The following PIDD1 variants were observed in gnomAD, a reference collection of about 807,000 sequenced individuals.
PIDD1 encodes the protein p53-induced death domain protein 1, also known as p53-induced death domain-containing protein 1.
Under a neutral mutation model 80.0 loss-of-function variants are expected in PIDD1, and 72 were observed. The observed-to-expected ratio is 0.90, with a 90% confidence interval of 0.74 to 1.09. The LOEUF is 1.09. Among genes scored for constraint, PIDD1 ranks in the 50% least tolerant of loss-of-function variants. The pLI, the probability that PIDD1 is intolerant of heterozygous loss-of-function variation, is 0.00. For synonymous variants in PIDD1, 655 were observed against 543.5 expected (o/e 1.21, Z -2.85); for missense variants, 1,329 against 1,228.3 (o/e 1.08, Z -1.23).
Position 799,492 on chromosome 11 carries a change from C to G in PIDD1, c.2548G>C (p.Val850Leu). 3 of 1,608,154 alleles carry G rather than the reference C, an allele frequency of 1.9e-6. No homozygotes were observed. Among genetic ancestry groups the G allele is most frequent in the Non-Finnish European group, 2.5e-6 (3 of 1,179,858 alleles). The change falls in exon 16 of 16, where the codon GTG (valine) becomes CTG (leucine). Residue 850 changes from valine (V) to leucine (L), a missense_variant. Physicochemically the swap from Val to Leu is conservative, Grantham distance 32 (BLOSUM62 1). Transcript: ENST00000347755. ...TCCAGGGCCTGCACCAGGAGCCCCA[C>G]AGCCCCTGGCTGCCCAGCCTGGCGC... ...AERQAGQPGAVGLLVQALEQS... is the reference protein window; with the variant it reads ...AERQAGQPGALGLLVQALEQS...
At chr11:807,494 T>G (rs946709105), upstream of PIDD1, among the ~76,000 whole-genome samples, 4 of 137,382 alleles carry the variant, frequency 2.9e-5, no homozygotes, top group African/African-American at 1.1e-4. Context: ...AATAAAAAAA[T>G]AGGCCGGGCG....
rs554113133 is a variant in PIDD1, at chr11:802,347, G to A, written c.1024C>T (p.Arg342Cys). 7.2e-5 allele frequency: 116 copies of A among 1,611,766 alleles called. No individual in the cohort carries two copies. The South Asian group carries it at 8.9e-4, about 12-fold the overall frequency. The change falls in exon 6 of 16, where the codon CGC (arginine) becomes TGC (cysteine). Residue 342 changes from arginine (R) to cysteine (C), a missense_variant. By Grantham distance (180) the Arg-to-Cys change is radical (BLOSUM62 -3). Coordinates refer to ENST00000347755, the MANE Select transcript of PIDD1 (RefSeq NM_145886.4). Reference sequence around the variant, plus strand: ...GTGGCTCCCGCTGGGAACTGCAGGCGGACGCCACAGGCCAGGGTCACTGAG... The same window carrying A: ...GTGGCTCCCGCTGGGAACTGCAGGCAGACGCCACAGGCCAGGGTCACTGAG... ...GCSVTLACGV[R>C]LQFPAGATAT...
chr11:803,200 C>A lies in PIDD1; in HGVS notation c.683G>T (p.Arg228Leu). The stretch of plus-strand genomic sequence containing the variant: ...CAGAGAGGCTGGGAGGCTCTGCAGC[C>A]GGTTGGAGGCCAGGTTGAGCTCCAG... Reference protein sequence around the residue: ...SLLELNLASNRLQSLPASLAG... With the variant: ...SLLELNLASNLLQSLPASLAG... Residue 228 changes from arginine to leucine, a missense_variant, in exon 3 of 16, where the codon CGG (arginine) becomes CTG (leucine). Coordinates refer to ENST00000347755, the MANE Select transcript of PIDD1 (RefSeq NM_145886.4). 1 of 1,609,052 alleles carries A rather than the reference C, an allele frequency of 6.2e-7. No individual in the cohort carries two copies. Among genetic ancestry groups the A allele is most frequent in the East Asian group, 2.2e-5 (1 of 44,862 alleles).
intron 1 of PIDD1, 79 bp from the exon 2 acceptor site, chr11:804,542 G>T: frequency 9.4e-6 from 13 of 1,381,530 alleles, no homozygotes; most frequent in Non-Finnish European, 1.2e-5. Flanking sequence ...TGGATGGAGT[G>T]GGGAGCTCTA....
At position 804,462 on chromosome 11, in the gene PIDD1, A is replaced by G. The variant is rs1865638042; in HGVS notation, c.-74T>C. 1 of 1,504,560 alleles carries G rather than the reference A, an allele frequency of 6.6e-7. No individual in the cohort carries two copies. The highest frequency in any genetic ancestry group is 8.8e-7 in the Non-Finnish European group (1 of 1,132,768). 93.2% of individuals were successfully genotyped at this position (1,504,560 alleles called of 1,614,324 possible). On this transcript the variant is annotated splice_region_variant and 5_prime_UTR_variant, in exon 2 of 16. Coordinates refer to ENST00000347755, the MANE Select transcript of PIDD1 (RefSeq NM_145886.4). ...GGCCTGTCCAGGCAGCGCCCGGGGA[A>G]GCTGCAGAGGCAGGAGGAGGAGTGA...
chr11:801,582 G>T lies in PIDD1; in HGVS notation c.1345C>A (p.Leu449Ile). 1 of 1,567,802 alleles carries T rather than the reference G, an allele frequency of 6.4e-7. No homozygotes were observed. The highest frequency in any genetic ancestry group is 2.4e-5 in the East Asian group (1 of 42,412). The stretch of plus-strand genomic sequence containing the variant: ...TTGGACACAGGGCGGGAAACCACAA[G>T]GAACCAGGAGAAGTGGGGCACCTGG... The part of the protein sequence containing the change: ...HCQVPHFSWF[L>I]VVSRPVSNAC... Residue 449 changes from leucine (L) to isoleucine (I), a missense_variant, in exon 8 of 16, where the codon CTT becomes ATT. Leu to Ile is a conservative substitution (Grantham distance 5). Coordinates refer to ENST00000347755, the MANE Select transcript of PIDD1 (RefSeq NM_145886.4).
rs1378963768 is a variant in PIDD1, at chr11:799,287, A to C, written c.*20T>G. Reference sequence around the variant, plus strand: ...CCATCCACTGGGGAATATCTGGGCCAGCCTAAAAGTCTGTGGGGCCTAGGC... The same window carrying C: ...CCATCCACTGGGGAATATCTGGGCCCGCCTAAAAGTCTGTGGGGCCTAGGC... On this transcript the variant is annotated 3_prime_UTR_variant, in exon 16 of 16. Transcript: ENST00000347755. The C allele has an allele frequency of 6.4e-7, 1 of 1,557,912 alleles. No individual in the cohort carries two copies. The highest frequency in any genetic ancestry group is 8.7e-7 in the Non-Finnish European group (1 of 1,153,228).
rs774729757 is a variant in PIDD1 at position 800,673 on chromosome 11, G to A, written c.1918-7C>T. 7.6e-6 allele frequency: 12 copies of A among 1,575,538 alleles called. No homozygotes were observed. Among genetic ancestry groups the A allele is most frequent in the African/African-American group, 1.3e-5 (1 of 74,374 alleles). ...GCCGAAGGGTGGCGTCCACCTGCGGGGAAGCCCGTGCAGCTCAGGACCCAA... is the reference window on the plus strand; with the variant it reads ...GCCGAAGGGTGGCGTCCACCTGCGGAGAAGCCCGTGCAGCTCAGGACCCAA... On this transcript the variant is annotated splice_polypyrimidine_tract_variant and splice_region_variant and intron_variant, in intron 11 of 15. Coordinates refer to ENST00000347755, the MANE Select transcript of PIDD1 (RefSeq NM_145886.4).
chr11:805,272 G>C, upstream of PIDD1: 3 of 968,296 alleles, frequency 3.1e-6, no homozygotes, highest in South Asian at 4.8e-5. Flanking sequence ...GGGGACTGCA[G>C]ACCCCGCCCC....
In PIDD1 at chr11:800,528, CACCAGCATCCCT is replaced by C; in HGVS notation, c.2041+3_2041+14del. 6.9e-7 allele frequency: 1 copy of C among 1,453,364 alleles called. No homozygotes were observed. The highest frequency in any genetic ancestry group is 2.3e-5 in the East Asian group (1 of 43,638). The allele number at this position is 1,453,364 out of a possible 1,614,324, so 90.0% of individuals were successfully genotyped here. ...CTCCCCCTCCAGGGCAGGGAGCATC[CACCAGCATCCCT>C]ACCAGCATCCACGTCGATGCCGCGC... On this transcript the variant is annotated splice_donor_5th_base_variant and intron_variant, in intron 12 of 15. Transcript: ENST00000347755.
intron 5 of PIDD1, 70 bp downstream of exon 5, chr11:802,473 A>G (rs1024571813): frequency 1.3e-6 from 2 of 1,598,638 alleles, no homozygotes; most frequent in African/African-American, 2.7e-5. Context: ...GGAACTCTGG[A>G]GAAGGTGTCG....
Position 799,883 on chromosome 11 carries a change from G to C in PIDD1, c.2406C>G (p.Asp802Glu). 2 of 1,611,788 alleles carry C rather than the reference G, an allele frequency of 1.2e-6. No individual in the cohort carries two copies. The highest frequency in any genetic ancestry group is 1.1e-5 in the South Asian group (1 of 91,044). Residue 802 changes from aspartate (D) to glutamate (E), a missense_variant, in exon 15 of 16, where the codon GAC becomes GAG. Physicochemically the swap from Asp to Glu is conservative, Grantham distance 45. Coordinates refer to ENST00000347755, the MANE Select transcript of PIDD1 (RefSeq NM_145886.4). Reference sequence around the variant, plus strand: ...CCAGGTGCAGGGCCACGGCTGGCCAGTCCAGACCCAGACGCCCAGCCACAC... The same window carrying C: ...CCAGGTGCAGGGCCACGGCTGGCCACTCCAGACCCAGACGCCCAGCCACAC... ...LLSVAGRLGL[D>E]WPAVALHLGV...
upstream of PIDD1, among the ~76,000 whole-genome samples, chr11:806,652 G>A (rs531297896): frequency 6.6e-6 from 1 of 151,408 alleles, no homozygotes; most frequent in African/African-American, 2.4e-5. Context: ...GCGTGATCTC[G>A]GCTCACTGCA....
chr11:804,209 C>T lies in PIDD1; in HGVS notation c.180G>A (p.Gln60=). The T allele has an allele frequency of 6.2e-7, 1 of 1,613,114 alleles. No individual in the cohort carries two copies. The highest frequency in any genetic ancestry group is 8.5e-7 in the Non-Finnish European group (1 of 1,179,886). Residue 60 remains glutamine, a synonymous_variant, in exon 2 of 16, where the codon CAG becomes CAA. Coordinates refer to ENST00000347755, the MANE Select transcript of PIDD1 (RefSeq NM_145886.4). The stretch of plus-strand genomic sequence containing the variant: ...GACGCAAGAATTCCACCTGCAGCAG[C>T]TGCAGAGGCTGCTGGACACACAGGT... The part of the protein sequence containing the change: ...LLHLCVQQPL[Q]LLQVEFLRLS...
In PIDD1 at chr11:802,694, G is replaced by T; in HGVS notation, c.907C>A (p.Pro303Thr). ...GCACCAAGCCTACCTGGTGAACTCG[G>T]GGCGTCTGGCGAGGCCTCACCCAGG... ...NPLGEASPDA[P>T]SSPVAALIPE... The change falls in exon 4 of 16, where the codon CCG becomes ACG. Residue 303 changes from proline to threonine, a missense_variant. Physicochemically the swap from Pro to Thr is conservative, Grantham distance 38. Transcript: ENST00000347755. 6.2e-7 allele frequency: 1 copy of T among 1,610,700 alleles called. No individual in the cohort carries two copies. The highest frequency in any genetic ancestry group is 2.2e-5 in the East Asian group (1 of 44,812).
In PIDD1 at chr11:800,526, TCCAC is replaced by T. The variant is rs773063812; in HGVS notation, c.2041+13_2041+16del. 6.1e-5 allele frequency: 88 copies of T among 1,451,050 alleles called. No individual in the cohort carries two copies. Among genetic ancestry groups the T allele is most frequent in the African/African-American group, 3.8e-4 (26 of 67,732 alleles). The allele number at this position is 1,451,050 out of a possible 1,614,324, so 89.9% of individuals were successfully genotyped here. On this transcript the variant is annotated intron_variant, in intron 12 of 15. Coordinates refer to ENST00000347755, the MANE Select transcript of PIDD1 (RefSeq NM_145886.4). ...GGCTCCCCCTCCAGGGCAGGGAGCA[TCCAC>T]CAGCATCCCTACCAGCATCCACGTC...
At position 800,980 on chromosome 11, in the gene PIDD1, C is replaced by CTGACCAGGAGAAGTGTG. The variant is rs1243724998; in HGVS notation, c.1754_1766+4dup. The CTGACCAGGAGAAGTGTG allele has an allele frequency of 6.2e-7, 1 of 1,603,458 alleles. No individual in the cohort carries two copies. Among genetic ancestry groups the CTGACCAGGAGAAGTGTG allele is most frequent in the Non-Finnish European group, 8.5e-7 (1 of 1,175,682 alleles). On this transcript the variant is annotated splice_donor_region_variant and intron_variant, in intron 10 of 15. Coordinates refer to ENST00000347755, the MANE Select transcript of PIDD1 (RefSeq NM_145886.4). ...GGGGGGCTGAGAAAGCTGGGGGGCACTGACCAGGAGAAGTGTGTGACCTGG... is the reference window on the plus strand; with the variant it reads ...GGGGGGCTGAGAAAGCTGGGGGGCACTGACCAGGAGAAGTGTGTGACCAGGAGAAGTGTGTGACCTGG...
upstream of PIDD1, among the ~76,000 whole-genome samples, chr11:806,739 C>A (rs371609130): frequency 6.6e-6 from 1 of 152,086 alleles, no homozygotes; most frequent in African/African-American, 2.4e-5. Context: ...CCCACCACCA[C>A]GCCCGGCTAA....
upstream of PIDD1, chr11:805,588 G>C: frequency 1.0e-6 from 1 of 981,364 alleles, no homozygotes; most frequent in Non-Finnish European, 1.2e-6. Flanking sequence ...GGGTGACGGG[G>C]GTACTCTTGC....
Sources: allele counts gnomAD v4.1 joint callset (sites outside exome capture counted in the v4.1 genomes callset), GRCh38; gene constraint gnomAD v4.1.1; transcripts MANE v1.5; gene names NCBI Gene and HGNC (gene_info 2026-07-23, HGNC 2026-07-21).